The following KLRF2 variants were observed in gnomAD, a reference collection of about 807,000 sequenced individuals.
KLRF2 encodes killer cell lectin like receptor F2, also known as killer cell lectin-like receptor subfamily F member 2.
A neutral mutation model predicts 25.3 loss-of-function variants in KLRF2; 28 were observed. The ratio of observed to expected loss-of-function variants is 1.11; its 90% CI spans 0.82 to 1.52. The LOEUF is 1.52. Ranked by LOEUF, KLRF2 falls within the 40% of genes most tolerant of loss-of-function variation. KLRF2 has a pLI of 0.00. For missense variants in KLRF2, 265 were observed against 245.8 expected (o/e 1.08, Z -0.52); for synonymous variants, 73 against 85.0 (o/e 0.86, Z 0.78).
intron 3 of KLRF2, among the ~76,000 whole-genome samples, chr12:9,890,314 G>C (rs1421056017): frequency 6.6e-6 from 1 of 152,166 alleles, no homozygotes; most frequent in Non-Finnish European, 1.5e-5. Context: ...TTGGGAGTCA[G>C]GGCACGTTTA....
chr12:9,884,531 C>T (rs1868129514), intron 1 of KLRF2, among the ~76,000 whole-genome samples: 1 of 149,736 alleles, frequency 6.7e-6, no homozygotes, highest in Non-Finnish European at 1.5e-5. Context: ...TAGATATATA[C>T]ATTTTATATA....
chr12:9,894,471 C>T (rs1335083202), intron 5 of KLRF2, among the ~76,000 whole-genome samples: 1 of 152,100 alleles, frequency 6.6e-6, no homozygotes, highest in East Asian at 1.9e-4. Context: ...TGTGAGCCAC[C>T]ACTCCCAGCC....
At chr12:9,886,269 T>C (rs1208939355) in intron 2 of KLRF2, among the ~76,000 whole-genome samples, 2 of 152,160 alleles carry the variant, frequency 1.3e-5, no homozygotes, top group Non-Finnish European at 2.9e-5. Context: ...ATATTCTTCA[T>C]GGCTTCCAGT....
chr12:9,883,784 A>G (rs1868119774), intron 1 of KLRF2, among the ~76,000 whole-genome samples: 1 of 152,184 alleles, frequency 6.6e-6, no homozygotes, highest in Non-Finnish European at 1.5e-5. Context: ...TAAATTCTCT[A>G]AGTATATACT....
At chr12:9,882,939 A>AT (rs1398465753) in intron 1 of KLRF2, among the ~76,000 whole-genome samples, 4 of 152,204 alleles carry the variant, frequency 2.6e-5, no homozygotes, top group Non-Finnish European at 4.4e-5. Context: ...TAAATTTACT[A>AT]TTTTTTAATC....
chr12:9,885,409 G>A (rs1862583745), intron 2 of KLRF2, among the ~76,000 whole-genome samples: 1 of 151,654 alleles, frequency 6.6e-6, no homozygotes. Flanking sequence ...TCCTGAAGTG[G>A]TACTTATATG....
chr12:9,892,912 A>T, intron 3 of KLRF2, 108 bp from the exon 4 acceptor site: 1 of 1,068,122 alleles, frequency 9.4e-7, no homozygotes, highest in South Asian at 1.7e-5. Flanking sequence ...CCAAAAAAAA[A>T]AAAATGAGTT....
chr12:9,883,712 T>C (rs1868118903), intron 1 of KLRF2, among the ~76,000 whole-genome samples: 1 of 152,158 alleles, frequency 6.6e-6, no homozygotes, highest in Non-Finnish European at 1.5e-5. Flanking sequence ...GAAAGAAAAT[T>C]ATTTTGGACT....
chr12:9,887,436 G>A (rs1266554233), intron 2 of KLRF2, among the ~76,000 whole-genome samples: 1 of 152,146 alleles, frequency 6.6e-6, no homozygotes, highest in East Asian at 1.9e-4. Flanking sequence ...CTGGAGCAAT[G>A]CCTTCAAAGT....
intron 5 of KLRF2, among the ~76,000 whole-genome samples, chr12:9,895,066 G>A (rs1862740902): frequency 6.6e-6 from 1 of 152,102 alleles, no homozygotes; most frequent in Non-Finnish European, 1.5e-5. Flanking sequence ...TTTATACATT[G>A]CGCATCATCC....
chr12:9,895,095 G>T (rs987474797), intron 5 of KLRF2, among the ~76,000 whole-genome samples: 1 of 152,150 alleles, frequency 6.6e-6, no homozygotes, highest in Non-Finnish European at 1.5e-5. Context: ...TACTGTGGAA[G>T]TTATATGAGG....
intron 4 of KLRF2, 119 bp from the exon 5 acceptor site, chr12:9,893,310 A>G: frequency 1.2e-6 from 1 of 861,482 alleles, no homozygotes; most frequent in Non-Finnish European, 1.7e-6. Context: ...TTCATGAAAA[A>G]AATGCTAATG....
intron 2 of KLRF2, among the ~76,000 whole-genome samples, chr12:9,885,845 C>T (rs538437240): frequency 2.0e-5 from 3 of 152,108 alleles, no homozygotes; most frequent in East Asian, 1.9e-4. Context: ...CAATGTTAAA[C>T]GACTATTTTT....
chr12:9,895,633 A>C, intron 5 of KLRF2, 56 bp from the exon 6 acceptor site: 1 of 1,443,644 alleles, frequency 6.9e-7, no homozygotes, highest in Middle Eastern at 1.8e-4. Context: ...AAAACTTTAA[A>C]AGATACTATT....
intron 2 of KLRF2, among the ~76,000 whole-genome samples, chr12:9,887,949 G>C (rs1177283498): frequency 6.6e-6 from 1 of 150,554 alleles, no homozygotes; most frequent in African/African-American, 2.4e-5. Context: ...CCAACTACTT[G>C]GGAAGCTGAG....
In KLRF2 at chr12:9,881,605, G is replaced by A; in HGVS notation, c.10G>A (p.Glu4Lys). ...TTAGACATTTGAAGAGATGGAGAAT[G>A]AAGATGGGTATATGACGCTGAGTTT... is the stretch of plus-strand genomic sequence containing the variant. MEN[E>K]DGYMTLSFKN... is the part of the protein sequence containing the mutation. Residue 4 changes from glutamate to lysine, a missense_variant, in exon 1 of 6, where the codon GAA becomes AAA. Transcript: ENST00000535540. 6.5e-7 allele frequency: 1 copy of A among 1,533,784 alleles called. No individual in the cohort carries two copies. The highest frequency in any genetic ancestry group is 8.7e-7 in the Non-Finnish European group (1 of 1,144,894).
chr12:9,894,568 A>T (rs545921285), intron 5 of KLRF2, among the ~76,000 whole-genome samples: 27 of 152,306 alleles, frequency 1.8e-4, no homozygotes, highest in South Asian at 8.3e-4. Flanking sequence ...TGTTGCATGT[A>T]AGAGTGCTTT....
chr12:9,890,676 T>C (rs896290040), intron 3 of KLRF2, among the ~76,000 whole-genome samples: 1 of 152,240 alleles, frequency 6.6e-6, no homozygotes, highest in Non-Finnish European at 1.5e-5. Flanking sequence ...GGATAATCTT[T>C]CTTTAGATTA....
At chr12:9,894,114 TC>T in intron 5 of KLRF2, among the ~76,000 whole-genome samples, 2 of 129,870 alleles carry the variant, frequency 1.5e-5, no homozygotes, top group Non-Finnish European at 3.2e-5. Flanking sequence ...TTTTTCTTTT[TC>T]TTTCTTTTCT....
Sources: allele counts gnomAD v4.1 joint callset (sites outside exome capture counted in the v4.1 genomes callset), GRCh38; gene constraint gnomAD v4.1.1; transcripts MANE v1.5; gene names NCBI Gene and HGNC (gene_info 2026-07-23, HGNC 2026-07-21).